Variants in GRM7 observed in about 807,000 individuals in gnomAD.
The protein encoded by GRM7 is metabotropic glutamate receptor 7.
A neutral mutation model predicts 84.5 loss-of-function variants in GRM7; 35 were observed. The observed-to-expected ratio is 0.41, with a 90% CI of 0.32 to 0.55. The LOEUF is 0.55. GRM7 is among the 20% of genes least tolerant of loss of function. The pLI, the probability that GRM7 is intolerant of heterozygous loss-of-function variation, is 0.19. For synonymous variants in GRM7, 487 were observed against 455.1 expected (o/e 1.07, Z -0.89); for missense variants, 1,003 against 1,194.6 (o/e 0.84, Z 2.36).
chr3:7,572,146 T>C (rs1694693634), intron 7 of GRM7, among the ~76,000 whole-genome samples: 1 of 152,122 alleles, frequency 6.6e-6, no homozygotes, highest in Non-Finnish European at 1.5e-5. Context: ...AGAGAAGTGG[T>C]TTTGTAGTCA....
intron 2 of GRM7, among the ~76,000 whole-genome samples, chr3:7,177,726 G>A (rs1182078683): frequency 1.3e-5 from 2 of 152,154 alleles, no homozygotes; most frequent in Non-Finnish European, 2.9e-5. Flanking sequence ...GATATATAAT[G>A]TGTTTTTAAT....
chr3:6,883,641 T>C (rs997338075), intron 1 of GRM7, among the ~76,000 whole-genome samples: 1 of 152,180 alleles, frequency 6.6e-6, no homozygotes, highest in Non-Finnish European at 1.5e-5. Context: ...AAAGATGGCA[T>C]TTTAGGTTGT....
rs577489481 is a variant in GRM7, at chr3:7,444,748, T to C, written c.1175-7859T>C. 3.3e-5 allele frequency among the ~76,000 whole-genome samples: 5 copies of C among 152,292 alleles called. No individual in the cohort carries two copies. The South Asian group carries it at 1.0e-3, about 32-fold the overall frequency. ...ATTTATTCACTGCATGTATCTTTCCTTGCACTTACCTGAAAATTGAAAATG... is the reference window on the plus strand; with the variant it reads ...ATTTATTCACTGCATGTATCTTTCCCTGCACTTACCTGAAAATTGAAAATG... On this transcript the variant is annotated intron_variant, in intron 5 of 9. Transcript: ENST00000357716.
At chr3:7,228,313 T>C (rs1697049693) in intron 2 of GRM7, among the ~76,000 whole-genome samples, 1 of 152,176 alleles carries the variant, frequency 6.6e-6, no homozygotes, top group African/African-American at 2.4e-5. Flanking sequence ...TTTTTAGTTA[T>C]AGTTCATTGG....
chr3:7,442,590 T>G (rs991873210), intron 5 of GRM7, among the ~76,000 whole-genome samples: 1 of 152,174 alleles, frequency 6.6e-6, no homozygotes, highest in African/African-American at 2.4e-5. Flanking sequence ...TCTGTGTGCT[T>G]AAGGAGGTGA....
At chr3:7,258,096 G>A (rs1698275663) in intron 2 of GRM7, among the ~76,000 whole-genome samples, 2 of 152,238 alleles carry the variant, frequency 1.3e-5, no homozygotes, top group East Asian at 3.9e-4. Context: ...AAGTACAGTA[G>A]CACCCAGTGA....
intron 7 of GRM7, among the ~76,000 whole-genome samples, chr3:7,526,904 G>A (rs923021760): frequency 1.8e-4 from 27 of 151,930 alleles, no homozygotes; most frequent in Non-Finnish European, 1.5e-5. Context: ...TTTCTTAACA[G>A]TACCATGTTG....
rs1553603707 is a variant in GRM7, at chr3:7,473,489, G to GGGGAGAGAGA, written c.1515+11768_1515+11769insGGAGAGAGAG. On this transcript the variant is annotated intron_variant, in intron 7 of 9. Coordinates refer to ENST00000357716, the MANE Select transcript of GRM7 (RefSeq NM_000844.4). ...AGACTCTGTCTCTTAAAAACGAGAG[G>GGGGAGAGAGA]GAGAGAGAGAGAGAGAGAGAGAGAG... Among the ~76,000 whole-genome samples the GGGGAGAGAGA allele has an allele frequency of 2.2e-3, 284 of 126,502 alleles. 1 individual carries two copies. Among genetic ancestry groups the GGGGAGAGAGA allele is most frequent in the African/African-American group, 8.1e-3 (274 of 33,776 alleles). 83.0% of individuals were successfully genotyped at this position (126,502 alleles called of 152,430 possible).
intron 7 of GRM7, among the ~76,000 whole-genome samples, chr3:7,518,803 T>C (rs1474221514): frequency 2.0e-5 from 3 of 152,234 alleles, no homozygotes; most frequent in Non-Finnish European, 4.4e-5. Flanking sequence ...TATAGGTTAA[T>C]GAAATCAGTC....
chr3:7,324,464 G>A (rs1413447168), intron 4 of GRM7, among the ~76,000 whole-genome samples: 1 of 152,168 alleles, frequency 6.6e-6, no homozygotes, highest in African/African-American at 2.4e-5. Context: ...TTCTATAACA[G>A]TATCTTCTGT....
intron 1 of GRM7, among the ~76,000 whole-genome samples, chr3:6,939,613 A>T (rs1250570541): frequency 6.6e-6 from 1 of 152,182 alleles, no homozygotes; most frequent in Non-Finnish European, 1.5e-5. Context: ...CTCTGTGTCA[A>T]AAAGCTCCAC....
At chr3:7,228,163 C>A (rs749889721) in intron 2 of GRM7, among the ~76,000 whole-genome samples, 5 of 152,006 alleles carry the variant, frequency 3.3e-5, no homozygotes, top group Non-Finnish European at 7.4e-5. Context: ...GTAAGGTGAC[C>A]CCAAATTTGA....
intron 2 of GRM7, among the ~76,000 whole-genome samples, chr3:7,187,538 A>G (rs1695561460): frequency 6.6e-6 from 1 of 152,194 alleles, no homozygotes; most frequent in Non-Finnish European, 1.5e-5. Flanking sequence ...AGAAGAAAAC[A>G]TCTTTATTGA....
Position 7,391,493 on chromosome 3 carries a change from G to A in GRM7, c.1034-23530G>A, listed in dbSNP as rs185379544. ...CAAACACTGCATGTTCTCACTCATA[G>A]GTGGGAACTGAACAATGAGAACACT... On this transcript the variant is annotated intron_variant, in intron 4 of 9. Coordinates refer to ENST00000357716, the MANE Select transcript of GRM7 (RefSeq NM_000844.4). 8.4e-4 allele frequency among the ~76,000 whole-genome samples: 128 copies of A among 152,210 alleles called. 1 individual carries two copies. Among genetic ancestry groups the A allele is most frequent in the African/African-American group, 3.0e-3 (124 of 41,526 alleles).
At chr3:7,148,498 A>G (rs889889220) in intron 2 of GRM7, among the ~76,000 whole-genome samples, 3 of 152,156 alleles carry the variant, frequency 2.0e-5, no homozygotes, top group Non-Finnish European at 2.9e-5. Context: ...GGTCAAAATC[A>G]TGTTGATTAT....
chr3:7,230,396 G>A (rs191228173), intron 2 of GRM7, among the ~76,000 whole-genome samples: 51 of 152,208 alleles, frequency 3.4e-4, no homozygotes, highest in Admixed American at 2.9e-3. Context: ...ATCTGTCAAG[G>A]TGTCATCTGT....
intron 7 of GRM7, among the ~76,000 whole-genome samples, chr3:7,564,510 T>A (rs997741052): frequency 6.6e-6 from 1 of 152,102 alleles, no homozygotes; most frequent in African/African-American, 2.4e-5. Flanking sequence ...ACTTTACATC[T>A]GCAGGGTCTG....
At chr3:7,551,241 C>A (rs1460149085) in intron 7 of GRM7, among the ~76,000 whole-genome samples, 1 of 152,042 alleles carries the variant, frequency 6.6e-6, no homozygotes, top group Admixed American at 6.6e-5. Context: ...AAATAATGCC[C>A]ACATTAAAAA....
chr3:7,403,545 G>A lies in GRM7; in HGVS notation c.1034-11478G>A, dbSNP rs143178048. 1.2e-3 allele frequency among the ~76,000 whole-genome samples: 176 copies of A among 147,718 alleles called. 2 individuals are homozygous for A. Among genetic ancestry groups the A allele is most frequent in the African/African-American group, 4.1e-3 (166 of 40,528 alleles). ...CATTCAAAGAATGGCAACAAGATTC[G>A]GTCAACTATGGCAAATGTACGTCCG... is the stretch of plus-strand genomic sequence containing the variant. On this transcript the variant is annotated intron_variant, in intron 4 of 9. Transcript: ENST00000357716.
Sources: allele counts gnomAD v4.1 joint callset (sites outside exome capture counted in the v4.1 genomes callset), GRCh38; gene constraint gnomAD v4.1.1; transcripts MANE v1.5; gene names NCBI Gene and HGNC (gene_info 2026-07-23, HGNC 2026-07-21).